DNAH11: variants seen among roughly 807,000 people sequenced by gnomAD.
DNAH11 encodes axonemal beta dynein heavy chain 11.
In DNAH11, 442 loss-of-function variants were observed where a neutral mutation model predicts 526.0. The ratio of observed to expected loss-of-function variants is 0.84; its 90% CI spans 0.78 to 0.91. DNAH11 has a LOEUF of 0.91. Ranked by LOEUF, DNAH11 falls within the 40% of genes least tolerant of loss-of-function variation. The probability of loss-of-function intolerance (pLI) is 0.00; values close to 1 mark genes in which losing one functional copy is unlikely to be tolerated. For synonymous variants in DNAH11, 2,461 were observed against 1,935.9 expected (o/e 1.27, Z -7.12); for missense variants, 6,989 against 5,448.7 (o/e 1.28, Z -8.90).
Position 21,744,954 on chromosome 7 carries a change from G to A in DNAH11, c.8401G>A (p.Val2801Met). 1 of 1,610,558 alleles carries A rather than the reference G, an allele frequency of 6.2e-7. No homozygotes were observed. The highest frequency in any genetic ancestry group is 8.5e-7 in the Non-Finnish European group (1 of 1,178,368). ...DRGKDPHYMPVKDWEVLKTIL... is the reference protein window; with the variant it reads ...DRGKDPHYMPMKDWEVLKTIL... Reference sequence around the variant, plus strand: ...AGGGAAGGACCCACATTACATGCCAGTGAAGGACTGGGAAGTGCTGAAGAC... The same window carrying A: ...AGGGAAGGACCCACATTACATGCCAATGAAGGACTGGGAAGTGCTGAAGAC... The change falls in exon 51 of 82, where the codon GTG becomes ATG. Residue 2801 changes from valine to methionine, a missense_variant. Physicochemically the swap from Val to Met is conservative, Grantham distance 21 (BLOSUM62 1). Coordinates refer to ENST00000409508, the MANE Select transcript of DNAH11 (RefSeq NM_001277115.2).
rs59872330 is a variant in DNAH11 at position 21,670,867 on chromosome 7, CGTGTGTGTGTGTGT to C, written c.5329-10666_5329-10653del. ...TTATGAATTATCCTTTAAGTGTGTA[CGTGTGTGTGTGTGT>C]GTGTGTGTGTGTATTTTTGGCTGGA... is the stretch of plus-strand genomic sequence containing the variant. On this transcript the variant is annotated intron_variant, in intron 30 of 81. Coordinates refer to ENST00000409508, the MANE Select transcript of DNAH11 (RefSeq NM_001277115.2). 2.5e-3 allele frequency among the ~76,000 whole-genome samples: 368 copies of C among 147,276 alleles called. 3 individuals are homozygous for C. Among genetic ancestry groups the C allele is most frequent in the African/African-American group, 8.6e-3 (348 of 40,474 alleles).
intron 28 of DNAH11, among the ~76,000 whole-genome samples, chr7:21,642,149 G>A (rs1415655237): frequency 1.3e-5 from 2 of 152,166 alleles, no homozygotes; most frequent in Non-Finnish European, 2.9e-5. Context: ...TGTATTCCAA[G>A]TTGTGCTCAA....
intron 61 of DNAH11, among the ~76,000 whole-genome samples, chr7:21,792,590 G>A (rs1788522806): frequency 3.3e-5 from 5 of 152,126 alleles, no homozygotes; most frequent in Admixed American, 2.6e-4. Context: ...TGGTTTGTTC[G>A]GGTTTTCTAT....
chr7:21,823,642 T>G (rs1562567366), intron 65 of DNAH11, among the ~76,000 whole-genome samples: 1 of 152,200 alleles, frequency 6.6e-6, no homozygotes. Context: ...ATAAGTTCTT[T>G]ATGCATAAGA....
chr7:21,776,113 GC>G (rs1302489460), intron 56 of DNAH11, among the ~76,000 whole-genome samples: 1 of 152,156 alleles, frequency 6.6e-6, no homozygotes, highest in East Asian at 1.9e-4. Flanking sequence ...AGGGGGATGG[GC>G]AAGGAGAGAG....
At position 21,571,798 on chromosome 7, in the gene DNAH11, T is replaced by G; in HGVS notation, c.1426-8T>G. 2.5e-6 allele frequency: 4 copies of G among 1,602,600 alleles called. No individual in the cohort carries two copies. In the East Asian group the frequency reaches 9.0e-5, roughly 36 times the overall value. ...AGTGGAAAGGTCTTTACTGTGTTTT[T>G]TACAAAGGATATATTTGCCACCACT... On this transcript the variant is annotated splice_region_variant and splice_polypyrimidine_tract_variant and intron_variant, in intron 7 of 81. Transcript: ENST00000409508.
chr7:21,566,192 C>A (rs1327533009), intron 6 of DNAH11, among the ~76,000 whole-genome samples: 5 of 152,126 alleles, frequency 3.3e-5, no homozygotes, highest in African/African-American at 1.2e-4. Flanking sequence ...GTCCTAGTTA[C>A]CCGTAAGCCT....
In DNAH11 at chr7:21,787,482, T is replaced by C. The variant is rs955268861; in HGVS notation, c.9823T>C (p.Tyr3275His). The C allele has an allele frequency of 2.5e-6, 4 of 1,613,868 alleles. No individual in the cohort carries two copies. Among genetic ancestry groups the C allele is most frequent in the Non-Finnish European group, 3.4e-6 (4 of 1,179,780 alleles). The change falls in exon 60 of 82, where the codon TAT becomes CAT. Residue 3275 changes from tyrosine to histidine, a missense_variant. By Grantham distance (83) the Tyr-to-His change is moderately conservative. Coordinates refer to ENST00000409508, the MANE Select transcript of DNAH11 (RefSeq NM_001277115.2). ...CTGTCTAAAAGTGGTGAATGAACAC[T>C]ATTTGAAAGACCCAGAGTTTAATCC... ...ENCLKVVNEH[Y>H]LKDPEFNPNL...
intron 65 of DNAH11, among the ~76,000 whole-genome samples, chr7:21,820,858 G>A (rs548805105): frequency 6.6e-6 from 1 of 152,282 alleles, no homozygotes; most frequent in African/African-American, 2.4e-5. Context: ...CAGTGGGGAA[G>A]CTAGTAAGAA....
At chr7:21,892,691 C>A (rs1784369090) in intron 77 of DNAH11, 24 bp downstream of exon 77, 1 of 1,553,206 alleles carries the variant, frequency 6.4e-7, no homozygotes, top group Non-Finnish European at 8.7e-7. Context: ...CCTTCCTTTT[C>A]TTTTTCATTG....
chr7:21,866,694 A>G (rs1335523399), intron 71 of DNAH11, 31 bp downstream of exon 71: 10 of 1,573,764 alleles, frequency 6.4e-6, no homozygotes, highest in South Asian at 2.4e-5. Flanking sequence ...GGAAACATGT[A>G]TTAGTTAACA....
chr7:21,862,217 C>CT lies in DNAH11; in HGVS notation c.11373+197dup, dbSNP rs1477608020. Among the ~76,000 whole-genome samples, 14 of 150,928 alleles carry CT rather than the reference C, an allele frequency of 9.3e-5. 2 individuals carry two copies. The highest frequency in any genetic ancestry group is 8.6e-4 in the Admixed American group (13 of 15,146). ...GACAGCCTTCTCCTAGGTCCCAGTG[C>CT]TTTGGTTTGGGGAGTGGGGCCGGTG... On this transcript the variant is annotated intron_variant, in intron 69 of 81. Transcript: ENST00000409508.
intron 42 of DNAH11, among the ~76,000 whole-genome samples, chr7:21,716,940 A>T (rs1784687218): frequency 6.6e-6 from 1 of 152,150 alleles, no homozygotes; most frequent in Non-Finnish European, 1.5e-5. Flanking sequence ...ATGTCTCCTG[A>T]TGCTCAAAAT....
chr7:21,715,589 A>G (rs1784628146), intron 42 of DNAH11, among the ~76,000 whole-genome samples: 1 of 152,160 alleles, frequency 6.6e-6, no homozygotes, highest in Non-Finnish European at 1.5e-5. Context: ...CACATCTATC[A>G]CATCTTTTAA....
intron 75 of DNAH11, among the ~76,000 whole-genome samples, chr7:21,882,077 C>G (rs1425138091): frequency 6.6e-6 from 1 of 152,118 alleles, no homozygotes; most frequent in Non-Finnish European, 1.5e-5. Flanking sequence ...AAGGAATGGA[C>G]CATTTAAGAC....
intron 45 of DNAH11, among the ~76,000 whole-genome samples, chr7:21,730,700 G>T (rs1785341205): frequency 6.6e-6 from 1 of 152,176 alleles, no homozygotes; most frequent in Non-Finnish European, 1.5e-5. Flanking sequence ...TTAGGAGACT[G>T]GGGAGATGTT....
intron 66 of DNAH11, among the ~76,000 whole-genome samples, chr7:21,847,936 C>T (rs555758467): frequency 1.4e-4 from 21 of 152,042 alleles, no homozygotes; most frequent in African/African-American, 4.1e-4. Context: ...GAGGCTGAGA[C>T]GGGCGGATCA....
chr7:21,625,583 G>T (rs915841887), intron 25 of DNAH11, among the ~76,000 whole-genome samples: 3 of 151,986 alleles, frequency 2.0e-5, no homozygotes, highest in Non-Finnish European at 2.9e-5. Flanking sequence ...GTTCCTGAAG[G>T]GTTAGCATTA....
chr7:21,856,133 GGT>G lies in DNAH11; in HGVS notation c.11202+1680_11202+1681del, dbSNP rs1782838645. Among the ~76,000 whole-genome samples the G allele has an allele frequency of 2.0e-5, 3 of 152,178 alleles. No homozygotes were observed. In the South Asian group the frequency reaches 6.2e-4, roughly 32 times the overall value. On this transcript the variant is annotated intron_variant, in intron 68 of 81. Transcript: ENST00000409508. ...AGGTAGCAAGAAATGAATCTAGAGA[GGT>G]GGGAAAGACTGAATCACGCAGAGTT...
Sources: gnomAD v4.1 joint callset for allele counts (sites outside exome capture counted in the v4.1 genomes callset) on GRCh38, gnomAD v4.1.1 for gene constraint, MANE v1.5 for transcripts, NCBI Gene and HGNC (gene_info 2026-07-23, HGNC 2026-07-21) for gene names.